Variants in BAHCC1 observed in about 807,000 individuals in gnomAD.
BAHCC1 encodes BAH and coiled-coil domain-containing protein 1.
BAHCC1 carries 43 observed loss-of-function variants against 88.2 expected under a neutral mutation model. The observed-to-expected ratio is 0.49, with a 90% CI of 0.38 to 0.63. BAHCC1 has a LOEUF of 0.63. Ranked by LOEUF, BAHCC1 falls within the 20% of genes least tolerant of loss-of-function variation. The pLI is 0.00. For synonymous variants in BAHCC1, 1,510 were observed against 745.5 expected, an observed-to-expected ratio of 2.03 and a Z score of -16.71; for missense variants, 3,023 against 1,654.8, an observed-to-expected ratio of 1.83 and a Z score of -14.34.
At chr17:81,424,704 G>A (rs1023963352) in intron 2 of BAHCC1, among the ~76,000 whole-genome samples, 2 of 151,636 alleles carry the variant, frequency 1.3e-5, no homozygotes, top group African/African-American at 4.8e-5. Context: ...TGTGGTTGGT[G>A]ATGATAATGT....
chr17:81,408,971 C>A (rs147883055), intron 2 of BAHCC1, among the ~76,000 whole-genome samples: 1 of 152,248 alleles, frequency 6.6e-6, no homozygotes, highest in East Asian at 1.9e-4. Flanking sequence ...CGCACAGGCA[C>A]GCGTGTGTGG....
At chr17:81,450,965 C>T (rs1385362082) in intron 11 of BAHCC1, 1 of 152,568 alleles carries the variant, frequency 6.6e-6, no homozygotes, top group Non-Finnish European at 1.5e-5. Context: ...ACTGGCCTCC[C>T]TGCAGCCATT....
At position 81,461,179 on chromosome 17, in the gene BAHCC1, C is replaced by T. The variant is rs562294588; in HGVS notation, c.6516C>T (p.Thr2172=). 4.2e-5 allele frequency: 31 copies of T among 746,796 alleles called. No homozygotes were observed. The highest frequency in any genetic ancestry group is 2.0e-4 in the South Asian group (14 of 71,412). 46.3% of individuals were successfully genotyped at this position (746,796 alleles called of 1,614,324 possible). ...ASSYAPFVGG[T]GPGLPRGAHK... ...CCTACGCGCCCTTCGTCGGGGGGAC[C>T]GGGCCGGGCCTCCCCAGGGGAGCCC... Residue 2172 remains threonine, a synonymous_variant, in exon 26 of 28, where the codon ACC becomes ACT. Coordinates refer to ENST00000675386, the MANE Select transcript of BAHCC1 (RefSeq NM_001377448.1).
intron 2 of BAHCC1, among the ~76,000 whole-genome samples, chr17:81,403,583 C>T (rs1350775752): frequency 1.3e-5 from 2 of 151,978 alleles, no homozygotes; most frequent in African/African-American, 4.8e-5. Flanking sequence ...TGAAAAGACC[C>T]CATCACAGGC....
Position 81,458,441 on chromosome 17 carries a change from G to T in BAHCC1, c.5318G>T (p.Gly1773Val). The change falls in exon 18 of 28, where the codon GGC (glycine) becomes GTC (valine). Residue 1773 changes from glycine to valine, a missense_variant. By Grantham distance (109) the Gly-to-Val change is moderately radical. Transcript: ENST00000675386. The part of the protein sequence containing the change: ...SERLKRATRK[G>V]TVLQPVLRRK... ...CGCCTCAAGAGGGCCACGCGCAAGG[G>T]CACAGTGCTGCAGCCAGTGCTGCGG... 1.4e-6 allele frequency: 1 copy of T among 731,566 alleles called. No individual in the cohort carries two copies. The allele number at this position is 731,566 out of a possible 1,614,324, so 45.3% of individuals were successfully genotyped here. A position where few individuals can be genotyped will look rare whatever the true frequency, so the allele number is the denominator to read the frequency against.
At chr17:81,459,989 C>T (rs2030102324) in intron 23 of BAHCC1, among the ~76,000 whole-genome samples, 2 of 152,136 alleles carry the variant, frequency 1.3e-5, no homozygotes, top group Non-Finnish European at 2.9e-5. Context: ...GCGGGAGGCG[C>T]CTCCAGGCGG....
rs1368265582 is a variant in BAHCC1, at chr17:81,434,778, G to A, written c.359-3592G>A. The stretch of plus-strand genomic sequence containing the variant: ...GGTTGTGGCCACCTCCCCAGATCTG[G>A]CAAGAGGAGGAAGGCGCAGGGCTGG... On this transcript the variant is annotated intron_variant, in intron 3 of 27. Transcript: ENST00000675386. The surrounding 1 kb of genome is among the most constrained non-coding windows in gnomAD (Gnocchi z 4.9). 2.6e-5 allele frequency among the ~76,000 whole-genome samples: 4 copies of A among 152,050 alleles called. No homozygotes were observed. The highest frequency in any genetic ancestry group is 4.8e-5 in the African/African-American group (2 of 41,388).
chr17:81,414,902 C>T lies in BAHCC1; in HGVS notation c.179-11898C>T, dbSNP rs546629139. Among the ~76,000 whole-genome samples, 10 of 152,292 alleles carry T rather than the reference C, an allele frequency of 6.6e-5. No homozygotes were observed. The East Asian group carries it at 1.4e-3, about 21-fold the overall frequency. On this transcript the variant is annotated intron_variant, in intron 2 of 27. Transcript: ENST00000675386. The stretch of plus-strand genomic sequence containing the variant: ...GTTCCCTGGATCCCGGTGTGGTCTC[C>T]GTCTCCCACCCCGGCCTGTCGCATC...
chr17:81,462,704 G>A lies in BAHCC1; in HGVS notation c.7384-36G>A, dbSNP rs782434409. 31 of 721,558 alleles carry A rather than the reference G, an allele frequency of 4.3e-5. No homozygotes were observed. The Admixed American group carries it at 4.6e-4, about 11-fold the overall frequency. The allele number at this position is 721,558 out of a possible 1,614,324, so 44.7% of individuals were successfully genotyped here. A position where few individuals can be genotyped will look rare whatever the true frequency, so the allele number is the denominator to read the frequency against. On this transcript the variant is annotated intron_variant, in intron 26 of 27. Transcript: ENST00000675386. ...CCGCCACCTGTCCCCACAGCCCCCC[G>A]GCCTCTCAGAGCCACCCTGCCCATG...
At position 81,458,461 on chromosome 17, in the gene BAHCC1, C is replaced by A; in HGVS notation, c.5338C>A (p.Leu1780Met). 1.4e-6 allele frequency: 1 copy of A among 712,266 alleles called. No individual in the cohort carries two copies. The highest frequency in any genetic ancestry group is 2.6e-6 in the Non-Finnish European group (1 of 385,838). 44.1% of individuals were successfully genotyped at this position (712,266 alleles called of 1,614,324 possible). A position where few individuals can be genotyped will look rare whatever the true frequency, so the allele number is the denominator to read the frequency against. The change falls in exon 18 of 28, where the codon CTG becomes ATG. Residue 1780 changes from leucine to methionine, a missense_variant. By Grantham distance (15) the Leu-to-Met change is conservative. Coordinates refer to ENST00000675386, the MANE Select transcript of BAHCC1 (RefSeq NM_001377448.1). ...CAAGGGCACAGTGCTGCAGCCAGTG[C>A]TGCGGGTGAGGCTGGGCTCTGGGGT... Reference protein sequence around the residue: ...TRKGTVLQPVLRRKNGALSIT... With the variant: ...TRKGTVLQPVMRRKNGALSIT...
At position 81,462,462 on chromosome 17, in the gene BAHCC1, T is replaced by A. The variant is rs79431200; in HGVS notation, c.7384-278T>A. On this transcript the variant is annotated intron_variant, in intron 26 of 27. Coordinates refer to ENST00000675386, the MANE Select transcript of BAHCC1 (RefSeq NM_001377448.1). ...GGTCTTTTGCCTTCGTAAATAACAC[T>A]GTGGTGAACGTCTTGTCCACATGTC... is the stretch of plus-strand genomic sequence containing the variant. 1.3e-3 allele frequency: 689 copies of A among 522,644 alleles called. 10 individuals are homozygous for A. In the East Asian group the frequency reaches 0.02, roughly 16 times the overall value. 32.4% of individuals were successfully genotyped at this position (522,644 alleles called of 1,614,324 possible).
rs1555647755 is a variant in BAHCC1 at position 81,411,060 on chromosome 17, G to A, written c.178+11143G>A. The A allele has an allele frequency of 1.5e-5, 8 of 518,754 alleles. No individual in the cohort carries two copies. Among genetic ancestry groups the A allele is most frequent in the Admixed American group, 5.8e-5 (3 of 51,538 alleles). 32.1% of individuals were successfully genotyped at this position (518,754 alleles called of 1,614,324 possible). A position where few individuals can be genotyped will look rare whatever the true frequency, so the allele number is the denominator to read the frequency against. On this transcript the variant is annotated intron_variant, in intron 2 of 27. Coordinates refer to ENST00000675386, the MANE Select transcript of BAHCC1 (RefSeq NM_001377448.1). This position sits in a 1 kb window ranked among gnomAD's most constrained non-coding sequence, Gnocchi z 6.2. The stretch of plus-strand genomic sequence containing the variant: ...CTGGGGCCCCCGTGCGCCTCCCCTC[G>A]GGCCTGAGGGGTCCCTCTCTCTGGG...
At position 81,457,498 on chromosome 17, in the gene BAHCC1, C is replaced by T. The variant is rs781820791; in HGVS notation, c.4947C>T (p.Ala1649=). ...CAGGGCTGCTGCTGCACACCGGGGCCAGTGTGGCCGTGCTGGGGCCCTCAC... is the reference window on the plus strand; with the variant it reads ...CAGGGCTGCTGCTGCACACCGGGGCTAGTGTGGCCGTGCTGGGGCCCTCAC... ...REAGLLLHTG[A]SVAVLGPSPS... is the part of the protein sequence containing the mutation. The change falls in exon 17 of 28, where the codon GCC becomes GCT. Residue 1649 remains alanine, a synonymous_variant. Transcript: ENST00000675386. 1.2e-5 allele frequency: 9 copies of T among 762,448 alleles called. No individual in the cohort carries two copies. In the East Asian group the frequency reaches 2.0e-4, roughly 17 times the overall value. The allele number at this position is 762,448 out of a possible 1,614,324, so 47.2% of individuals were successfully genotyped here. A position where few individuals can be genotyped will look rare whatever the true frequency, so the allele number is the denominator to read the frequency against.
At position 81,442,843 on chromosome 17, in the gene BAHCC1, C is replaced by G. The variant is rs370421012; in HGVS notation, c.1494C>G (p.Thr498=). 4.4e-4 allele frequency: 341 copies of G among 779,452 alleles called. 1 individual carries two copies. The highest frequency in any genetic ancestry group is 7.4e-4 in the Non-Finnish European group (308 of 417,948). 48.3% of individuals were successfully genotyped at this position (779,452 alleles called of 1,614,324 possible). A position where few individuals can be genotyped will look rare whatever the true frequency, so the allele number is the denominator to read the frequency against. ...AAAGCGGCTACTTCGAGTTGCCCAC[C>G]TCTTCACAGGACTGTGCCCGGCCTG... is the stretch of plus-strand genomic sequence containing the variant. ...LDKSGYFELP[T]SSQDCARPGH... Residue 498 remains threonine, a synonymous_variant, in exon 5 of 28, where the codon ACC becomes ACG. Transcript: ENST00000675386.
chr17:81,399,616 C>A lies in BAHCC1; in HGVS notation c.-124C>A. 1 of 623,016 alleles carries A rather than the reference C, an allele frequency of 1.6e-6. No individual in the cohort carries two copies. The allele number at this position is 623,016 out of a possible 1,614,324, so 38.6% of individuals were successfully genotyped here. Reference sequence around the variant, plus strand: ...AGTCCTCCCGCGTGCTGACCGGCCCCGCCGCCACCACCGCCTGTGACCCCG... The same window carrying A: ...AGTCCTCCCGCGTGCTGACCGGCCCAGCCGCCACCACCGCCTGTGACCCCG... On this transcript the variant is annotated 5_prime_UTR_variant, in exon 2 of 28. Coordinates refer to ENST00000675386, the MANE Select transcript of BAHCC1 (RefSeq NM_001377448.1). The surrounding 1 kb of genome is among the most constrained non-coding windows in gnomAD (Gnocchi z 4.5).
rs373668683 is a variant in BAHCC1, at chr17:81,411,141, A to G, written c.178+11224A>G. ...CGTCCTCTGCGTGAGTCCATTCATC[A>G]CGTGCCTGCAGGTGCCTGTGTCCTG... On this transcript the variant is annotated intron_variant, in intron 2 of 27. Coordinates refer to ENST00000675386, the MANE Select transcript of BAHCC1 (RefSeq NM_001377448.1). This position sits in a 1 kb window ranked among gnomAD's most constrained non-coding sequence, Gnocchi z 6.2. 19 of 518,796 alleles carry G rather than the reference A, an allele frequency of 3.7e-5. No individual in the cohort carries two copies. The highest frequency in any genetic ancestry group is 7.8e-5 in the Admixed American group (4 of 51,544). 32.1% of individuals were successfully genotyped at this position (518,796 alleles called of 1,614,324 possible). A position where few individuals can be genotyped will look rare whatever the true frequency, so the allele number is the denominator to read the frequency against.
chr17:81,444,376 T>C lies in BAHCC1; in HGVS notation c.2325-5T>C. The C allele has an allele frequency of 1.4e-6, 1 of 733,362 alleles. No homozygotes were observed. The highest frequency in any genetic ancestry group is 2.6e-5 in the East Asian group (1 of 38,322). The allele number at this position is 733,362 out of a possible 1,614,324, so 45.4% of individuals were successfully genotyped here. On this transcript the variant is annotated splice_polypyrimidine_tract_variant and splice_region_variant and intron_variant, in intron 6 of 27. Transcript: ENST00000675386. ...GGCGGCAGGGCTGAGCCCCAGGTCTTACAGGGACAGCAAAGACCGCGTAGA... is the reference window on the plus strand; with the variant it reads ...GGCGGCAGGGCTGAGCCCCAGGTCTCACAGGGACAGCAAAGACCGCGTAGA...
In BAHCC1 at chr17:81,447,387, G is replaced by A. The variant is rs1555654810; in HGVS notation, c.3515G>A (p.Gly1172Asp). ...GAGGCAGGGGGCCCCGAGGCCACCG[G>A]CCAGGCTCATTCTACTCAGGGAGGG... is the stretch of plus-strand genomic sequence containing the variant. ...LLEAGGPEATGQAHSTQGGAR... is the reference protein window; with the variant it reads ...LLEAGGPEATDQAHSTQGGAR... The change falls in exon 11 of 28, where the codon GGC (glycine) becomes GAC (aspartate). Residue 1172 changes from glycine to aspartate, a missense_variant. Physicochemically the swap from Gly to Asp is moderately conservative, Grantham distance 94. Transcript: ENST00000675386. 1 of 741,016 alleles carries A rather than the reference G, an allele frequency of 1.3e-6. No individual in the cohort carries two copies. The highest frequency in any genetic ancestry group is 2.5e-6 in the Non-Finnish European group (1 of 398,622). The allele number at this position is 741,016 out of a possible 1,614,324, so 45.9% of individuals were successfully genotyped here.
At chr17:81,446,490 T>A (rs1278672670) in intron 10 of BAHCC1, among the ~76,000 whole-genome samples, 4 of 143,600 alleles carry the variant, frequency 2.8e-5, no homozygotes, top group Non-Finnish European at 4.5e-5. Context: ...GGCCACTCTT[T>A]AGGGGAATGA....
Sources: gnomAD v4.1 joint callset for allele counts (sites outside exome capture counted in the v4.1 genomes callset) on GRCh38, gnomAD v4.1.1 for gene constraint, Gnocchi (gnomAD v3.1) non-coding constraint, MANE v1.5 for transcripts, NCBI Gene and HGNC (gene_info 2026-07-23, HGNC 2026-07-21) for gene names.